WFDC9: variants seen among roughly 807,000 people sequenced by gnomAD.
The protein encoded by WFDC9 is protein WFDC9.
Under a neutral mutation model 9.5 loss-of-function variants are expected in WFDC9, and 9 were observed. That is an observed-to-expected ratio of 0.95 (90% CI 0.57 to 1.65). The LOEUF (loss-of-function observed/expected upper bound fraction) is 1.65. Ranked by LOEUF, WFDC9 falls within the 40% of genes most tolerant of loss-of-function variation. WFDC9 has a pLI of 0.00. For missense variants in WFDC9, 87 were observed against 106.7 expected (o/e 0.82, Z 0.81); for synonymous variants, 33 against 32.3 (o/e 1.02, Z -0.07).
intron 1 of WFDC9, among the ~76,000 whole-genome samples, chr20:45,621,559 C>T (rs1043596255): frequency 2.0e-5 from 3 of 152,184 alleles, no homozygotes; most frequent in South Asian, 4.1e-4. Flanking sequence ...GTGCCTCAAC[C>T]ATTTGTACAA....
chr20:45,623,194 A>T (rs932394954), intron 1 of WFDC9, among the ~76,000 whole-genome samples: 2 of 152,202 alleles, frequency 1.3e-5, no homozygotes, highest in Admixed American at 6.5e-5. Context: ...GGAAAATAGC[A>T]AACAGATGGA....
intron 1 of WFDC9, chr20:45,629,518 G>A (rs866618371): frequency 2.0e-5 from 5 of 245,224 alleles, no homozygotes; most frequent in Middle Eastern, 1.3e-3. Flanking sequence ...AAAACATTTT[G>A]TAATTAGAAA....
Position 45,608,170 on chromosome 20 carries a change from G to T in WFDC9, c.240-30C>A, listed in dbSNP as rs575180654. On this transcript the variant is annotated intron_variant, in intron 4 of 4. Coordinates refer to ENST00000326000, the MANE Select transcript of WFDC9 (RefSeq NM_147198.4). Reference sequence around the variant, plus strand: ...AAGAGAAAAGTTAGTCAAAAGTCAAGAATCCTGGGATAAATCCATTTCTAA... The same window carrying T: ...AAGAGAAAAGTTAGTCAAAAGTCAATAATCCTGGGATAAATCCATTTCTAA... The T allele has an allele frequency of 6.2e-6, 10 of 1,602,450 alleles. No homozygotes were observed. The East Asian group carries it at 1.8e-4, about 29-fold the overall frequency.
At chr20:45,612,456 T>G (rs1471262090) in intron 2 of WFDC9, among the ~76,000 whole-genome samples, 2 of 151,910 alleles carry the variant, frequency 1.3e-5, no homozygotes, top group African/African-American at 4.8e-5. Flanking sequence ...TTAAACAAGA[T>G]AAGGAAATGC....
At chr20:45,613,232 C>T (rs8119450) in intron 2 of WFDC9, among the ~76,000 whole-genome samples, 2,276 of 152,258 alleles carry the variant, frequency 0.015, 55 homozygotes, top group African/African-American at 0.051. Context: ...CTACATCAAC[C>T]TTTGACTTCT....
At chr20:45,611,338 C>G (rs144546730) in intron 2 of WFDC9, among the ~76,000 whole-genome samples, 150 of 152,204 alleles carry the variant, frequency 9.9e-4, no homozygotes, top group African/African-American at 3.3e-3. Context: ...ATAACTGGAG[C>G]TTCTGAGGGA....
chr20:45,624,296 G>T (rs186344455), intron 1 of WFDC9, among the ~76,000 whole-genome samples: 18 of 152,282 alleles, frequency 1.2e-4, no homozygotes, highest in Non-Finnish European at 2.2e-4. Flanking sequence ...CTTTTCTCCA[G>T]ATATGAGTGA....
intron 3 of WFDC9, among the ~76,000 whole-genome samples, chr20:45,609,381 C>CTTA (rs1981805926): frequency 6.6e-6 from 1 of 151,848 alleles, no homozygotes; most frequent in South Asian, 2.1e-4. Flanking sequence ...TTTTTTGTAT[C>CTTA]TTAATAGAGA....
intron 1 of WFDC9, among the ~76,000 whole-genome samples, chr20:45,627,786 CT>C (rs1242323259): frequency 1.3e-5 from 2 of 152,000 alleles, no homozygotes; most frequent in African/African-American, 4.8e-5. Flanking sequence ...GAGTAATTGT[CT>C]TTTTTTAGAC....
intron 2 of WFDC9, among the ~76,000 whole-genome samples, chr20:45,612,695 A>C (rs557854917): frequency 2.6e-5 from 4 of 152,328 alleles, no homozygotes; most frequent in Admixed American, 2.0e-4. Flanking sequence ...CATTAAAATT[A>C]GAAATAGGAA....
intron 2 of WFDC9, among the ~76,000 whole-genome samples, chr20:45,614,236 A>T (rs1040126339): frequency 2.0e-5 from 3 of 152,208 alleles, no homozygotes; most frequent in Non-Finnish European, 4.4e-5. Context: ...CAAAAGAAAC[A>T]TCATTATGCC....
chr20:45,623,130 C>T (rs1282918065), intron 1 of WFDC9, among the ~76,000 whole-genome samples: 1 of 152,110 alleles, frequency 6.6e-6, no homozygotes, highest in Non-Finnish European at 1.5e-5. Flanking sequence ...CAAGCTGACA[C>T]ATTTCATTAT....
chr20:45,623,965 G>A (rs961211816), intron 1 of WFDC9, among the ~76,000 whole-genome samples: 2 of 152,130 alleles, frequency 1.3e-5, no homozygotes, highest in Admixed American at 6.5e-5. Flanking sequence ...GGCTGAGGCA[G>A]GTGGATCACA....
chr20:45,625,807 CT>C (rs76758338), intron 1 of WFDC9, among the ~76,000 whole-genome samples: 239 of 46,398 alleles, frequency 5.2e-3, no homozygotes, highest in African/African-American at 0.016. Context: ...GTTCTCTATT[CT>C]TTTTTTTTTT....
intron 1 of WFDC9, chr20:45,629,692 A>G (rs1982307557): frequency 7.9e-7 from 1 of 1,273,418 alleles, no homozygotes; most frequent in East Asian, 2.6e-5. Context: ...CGACTTGGCC[A>G]GTAGAGGCAG....
chr20:45,615,872 T>C (rs2129582), intron 1 of WFDC9, among the ~76,000 whole-genome samples: 51,549 of 152,068 alleles, frequency 0.34, 8,851 homozygotes, highest in Middle Eastern at 0.43. Flanking sequence ...GTATAAAAAA[T>C]AATGTGCATA....
chr20:45,612,661 A>C (rs1359871412), intron 2 of WFDC9, among the ~76,000 whole-genome samples: 8 of 152,216 alleles, frequency 5.3e-5, no homozygotes, highest in Non-Finnish European at 1.5e-5. Context: ...CCAGCATTCC[A>C]CATTATAAAA....
At chr20:45,619,375 C>A (rs1024235205) in intron 1 of WFDC9, among the ~76,000 whole-genome samples, 3 of 152,068 alleles carry the variant, frequency 2.0e-5, no homozygotes, top group African/African-American at 7.2e-5. Context: ...AAGAATTTCC[C>A]AGTGCAGTAT....
intron 1 of WFDC9, among the ~76,000 whole-genome samples, chr20:45,623,701 T>C (rs1459002515): frequency 6.6e-6 from 1 of 152,222 alleles, no homozygotes; most frequent in African/African-American, 2.4e-5. Flanking sequence ...TGTTTCAATA[T>C]GTATAATGTA....
Sources: gnomAD v4.1 joint callset for allele counts (sites outside exome capture counted in the v4.1 genomes callset) on GRCh38, gnomAD v4.1.1 for gene constraint, MANE v1.5 for transcripts, NCBI Gene and HGNC (gene_info 2026-07-23, HGNC 2026-07-21) for gene names.